AKAP13: variants seen among roughly 807,000 people sequenced by gnomAD.
AKAP13 encodes A-kinase anchor protein 13.
AKAP13 carries 80 observed loss-of-function variants against 264.5 expected under a neutral mutation model. The observed-to-expected ratio is 0.30, with a 90% CI of 0.25 to 0.36. AKAP13 has a LOEUF of 0.36. AKAP13 is among the 10% of genes least tolerant of loss of function. The probability of loss-of-function intolerance (pLI) is 1.00; values close to 1 mark genes in which losing one functional copy is unlikely to be tolerated. For missense variants in AKAP13, 3,712 were observed against 3,435.2 expected, an observed-to-expected ratio of 1.08 and a Z score of -2.01; for synonymous variants, 1,380 against 1,250.2, an observed-to-expected ratio of 1.10 and a Z score of -2.19.
intron 8 of AKAP13, among the ~76,000 whole-genome samples, chr15:85,629,764 C>CTTTTTTGTTT (rs2081607631): frequency 2.0e-5 from 1 of 50,504 alleles, no homozygotes; most frequent in Non-Finnish European, 3.7e-5. Context: ...CCTTTACAGC[C>CTTTTTTGTTT]TTTTTTTTTT....
At chr15:85,426,261 T>C (rs909875620) in intron 1 of AKAP13, among the ~76,000 whole-genome samples, 4 of 152,220 alleles carry the variant, frequency 2.6e-5, no homozygotes, top group African/African-American at 9.6e-5. Context: ...CTTGAATTAA[T>C]AAGCCAAGTG....
chr15:85,490,060 A>G (rs948061361), intron 2 of AKAP13, among the ~76,000 whole-genome samples: 1 of 152,216 alleles, frequency 6.6e-6, no homozygotes, highest in African/African-American at 2.4e-5. Flanking sequence ...GATTATTGCC[A>G]GATGAATTCA....
chr15:85,413,049 G>A (rs1197833258), intron 1 of AKAP13, among the ~76,000 whole-genome samples: 1 of 152,192 alleles, frequency 6.6e-6, no homozygotes, highest in African/African-American at 2.4e-5. Context: ...GAAAGCCTGC[G>A]CTTTTCATCA....
At chr15:85,389,605 C>G (rs755977083) in intron 1 of AKAP13, among the ~76,000 whole-genome samples, 30 of 152,210 alleles carry the variant, frequency 2.0e-4, no homozygotes, top group Admixed American at 1.8e-3. Flanking sequence ...ACAGGATTCT[C>G]AAAATCTTTG....
chr15:85,569,269 T>C (rs746672575), intron 5 of AKAP13, among the ~76,000 whole-genome samples: 8 of 151,728 alleles, frequency 5.3e-5, no homozygotes, highest in Non-Finnish European at 8.8e-5. Flanking sequence ...TGGGGGTGAA[T>C]TGGGGCTGTG....
rs556054040 is a variant in AKAP13, at chr15:85,441,756, G to T, written c.-11-43954G>T. On this transcript the variant is annotated intron_variant, in intron 1 of 36. Coordinates refer to ENST00000394518, the MANE Select transcript of AKAP13 (RefSeq NM_007200.5). ...TTGTTCTGGTGCCATTTATTGACAA[G>T]TCTCTTAAAAGTTTTTTTTTTCTGT... 2.1e-5 allele frequency among the ~76,000 whole-genome samples: 3 copies of T among 142,744 alleles called. No individual in the cohort carries two copies. The South Asian group carries it at 6.4e-4, about 30-fold the overall frequency. 93.6% of individuals were successfully genotyped at this position (142,744 alleles called of 152,430 possible).
intron 4 of AKAP13, among the ~76,000 whole-genome samples, chr15:85,541,351 G>A (rs1350905511): frequency 1.3e-5 from 2 of 152,172 alleles, no homozygotes; most frequent in East Asian, 3.8e-4. Flanking sequence ...ATGTGATAAG[G>A]CAAATATAGA....
intron 1 of AKAP13, among the ~76,000 whole-genome samples, chr15:85,398,679 C>T (rs1235783467): frequency 6.6e-6 from 1 of 152,102 alleles, no homozygotes; most frequent in African/African-American, 2.4e-5. Context: ...CCTCAGCCTC[C>T]CGAGTAGCTG....
intron 1 of AKAP13, among the ~76,000 whole-genome samples, chr15:85,460,801 G>A (rs1467143206): frequency 6.6e-6 from 1 of 152,200 alleles, no homozygotes; most frequent in Non-Finnish European, 1.5e-5. Context: ...GCCAAGAGAT[G>A]CAAGTGCCCA....
chr15:85,442,877 C>T (rs947404173), intron 1 of AKAP13, among the ~76,000 whole-genome samples: 7 of 152,018 alleles, frequency 4.6e-5, no homozygotes, highest in Non-Finnish European at 7.4e-5. Flanking sequence ...TGATGAGCAT[C>T]TATTGTGAGC....
chr15:85,582,028 G>A lies in AKAP13; in HGVS notation c.3960G>A (p.Gly1320=), dbSNP rs755425719. The A allele has an allele frequency of 6.2e-7, 1 of 1,614,018 alleles. No individual in the cohort carries two copies. Among genetic ancestry groups the A allele is most frequent in the Non-Finnish European group, 8.5e-7 (1 of 1,180,020 alleles). ...GCAGTACTCCTGAGGAAGCCACGGG[G>A]AGCCTTGCAGGATGTTTTGCTGGAA... ...PMGSTPEEAT[G]SLAGCFAGRE... is the part of the protein sequence containing the mutation. Residue 1320 remains glycine (G), a synonymous_variant, in exon 7 of 37, where the codon GGG becomes GGA. Coordinates refer to ENST00000394518, the MANE Select transcript of AKAP13 (RefSeq NM_007200.5).
chr15:85,581,058 A>G lies in AKAP13; in HGVS notation c.2990A>G (p.His997Arg). 6.2e-7 allele frequency: 1 copy of G among 1,614,042 alleles called. No homozygotes were observed. The highest frequency in any genetic ancestry group is 8.5e-7 in the Non-Finnish European group (1 of 1,179,966). ...SSAFLKAETE[H>R]NKEVAPQVSL... The stretch of plus-strand genomic sequence containing the variant: ...GCCTTTCTTAAGGCAGAAACTGAAC[A>G]TAACAAGGAAGTGGCCCCACAAGTC... The change falls in exon 7 of 37, where the codon CAT becomes CGT. Residue 997 changes from histidine to arginine, a missense_variant. Around this residue, in one of 3 missense-constraint regions of AKAP13, gnomAD observed 2,759 missense variants for 2,411.7 expected, o/e 1.14. Transcript: ENST00000394518.
chr15:85,678,222 T>A (rs1344590632), intron 14 of AKAP13, among the ~76,000 whole-genome samples: 9 of 152,200 alleles, frequency 5.9e-5, no homozygotes, highest in Admixed American at 5.9e-4. Flanking sequence ...TAAAATTGTT[T>A]TTATATAACT....
intron 20 of AKAP13, 25 bp from the exon 21 acceptor site, chr15:85,717,265 G>A (rs747079070): frequency 1.4e-6 from 2 of 1,434,244 alleles, no homozygotes; most frequent in South Asian, 1.2e-5. Flanking sequence ...GTATTTGACA[G>A]TATGTATTTT....
chr15:85,743,641 G>T lies in AKAP13; in HGVS notation c.8208G>T (p.Arg2736=). 1 of 1,614,066 alleles carries T rather than the reference G, an allele frequency of 6.2e-7. No individual in the cohort carries two copies. The highest frequency in any genetic ancestry group is 1.6e-4 in the Middle Eastern group (1 of 6,062). Residue 2736 remains arginine (R), a synonymous_variant, in exon 36 of 37, where the codon CGG becomes CGT. Coordinates refer to ENST00000394518, the MANE Select transcript of AKAP13 (RefSeq NM_007200.5). ...CCCCAAAAAGGAACAGCATCTCTCG[G>T]ACACACAAAGATAAGGGGCCTTTTC... ...SVSPKRNSIS[R]THKDKGPFHI...
At chr15:85,473,120 TG>T (rs1179130186) in intron 1 of AKAP13, among the ~76,000 whole-genome samples, 8 of 152,214 alleles carry the variant, frequency 5.3e-5, no homozygotes, top group Non-Finnish European at 8.8e-5. Flanking sequence ...GGAGCACAAC[TG>T]GCTACTTTCC....
At chr15:85,623,301 A>G (rs954518896) in intron 8 of AKAP13, among the ~76,000 whole-genome samples, 3 of 152,244 alleles carry the variant, frequency 2.0e-5, no homozygotes, top group Non-Finnish European at 4.4e-5. Context: ...GTATGGATTC[A>G]TAAGCATCAT....
intron 5 of AKAP13, among the ~76,000 whole-genome samples, chr15:85,565,688 A>G (rs1008389089): frequency 6.6e-6 from 1 of 152,226 alleles, no homozygotes; most frequent in Non-Finnish European, 1.5e-5. Flanking sequence ...ATTCTGTGCT[A>G]GAATTGTAGA....
In AKAP13 at chr15:85,727,409, A is replaced by G. The variant is rs1338306512; in HGVS notation, c.7033A>G (p.Ser2345Gly). 1.2e-6 allele frequency: 2 copies of G among 1,614,100 alleles called. No individual in the cohort carries two copies. Among genetic ancestry groups the G allele is most frequent in the Non-Finnish European group, 1.7e-6 (2 of 1,180,032 alleles). The change falls in exon 29 of 37, where the codon AGT (serine) becomes GGT (glycine). Residue 2345 changes from serine to glycine, a missense_variant. Transcript: ENST00000394518. This position sits in a 1 kb window ranked among gnomAD's most constrained non-coding sequence, Gnocchi z 5.3. ...CAGAGATGAAGATGAAGGAATTCCT[A>G]GTGAGAATGAGGAAGAAAAGAAAAT... ...LNRDEDEGIP[S>G]ENEEEKKMLD...
Sources: allele counts gnomAD v4.1 joint callset (sites outside exome capture counted in the v4.1 genomes callset), GRCh38; gene constraint gnomAD v4.1.1; regional missense constraint gnomAD v4.1.1; non-coding constraint Gnocchi (gnomAD v3.1); transcripts MANE v1.5; gene names NCBI Gene and HGNC (gene_info 2026-07-23, HGNC 2026-07-21).